Variants in CCDC172 observed in about 807,000 individuals in gnomAD.
CCDC172 encodes the protein coiled-coil domain containing 172, also known as coiled-coil domain-containing protein 172.
Under a neutral mutation model 38.0 loss-of-function variants are expected in CCDC172, and 30 were observed. The observed-to-expected ratio is 0.79, with a 90% confidence interval of 0.59 to 1.07. The LOEUF (loss-of-function observed/expected upper bound fraction) is 1.07. Ranked by LOEUF, CCDC172 falls within the 50% of genes least tolerant of loss-of-function variation. The pLI is 0.00. For missense variants in CCDC172, 297 were observed against 290.1 expected, an observed-to-expected ratio of 1.02 and a Z score of -0.17; for synonymous variants, 78 against 88.3, an observed-to-expected ratio of 0.88 and a Z score of 0.66.
At chr10:116,366,898 CCTGA>C (rs1271163524) in intron 7 of CCDC172, among the ~76,000 whole-genome samples, 1 of 152,162 alleles carries the variant, frequency 6.6e-6, no homozygotes, top group Non-Finnish European at 1.5e-5. Context: ...ATGGCCTTGT[CCTGA>C]CTACGTATAT....
intron 5 of CCDC172, among the ~76,000 whole-genome samples, chr10:116,347,667 A>G (rs189042945): frequency 3.3e-5 from 5 of 152,254 alleles, no homozygotes; most frequent in Admixed American, 6.5e-5. Flanking sequence ...AAAAGTTAGT[A>G]ATAAGGGAGG....
Position 116,342,084 on chromosome 10 carries a change from GA to G in CCDC172, c.334del (p.Ile112LeufsTer10). The G allele has an allele frequency of 6.5e-7, 1 of 1,538,498 alleles. No homozygotes were observed. The highest frequency in any genetic ancestry group is 8.7e-7 in the Non-Finnish European group (1 of 1,148,238). On this transcript the variant is annotated frameshift_variant, in exon 5 of 9. Coordinates refer to ENST00000333254, the MANE Select transcript of CCDC172 (RefSeq NM_198515.3). LOFTEE classifies it high-confidence loss of function. ...MIEEEDKFIK[E>X]ITDFNNDYEI... ...AGAGGAGGAAGACAAATTTATTAAG[GA>G]AATTACAGACTTTAATAATGATTAT... is the stretch of plus-strand genomic sequence containing the variant.
intron 7 of CCDC172, among the ~76,000 whole-genome samples, chr10:116,369,027 T>TAAG (rs1175033794): frequency 6.6e-6 from 1 of 152,066 alleles, no homozygotes; most frequent in Non-Finnish European, 1.5e-5. Context: ...AAATAAAGTA[T>TAAG]AAGATTCCTC....
intron 5 of CCDC172, among the ~76,000 whole-genome samples, chr10:116,348,234 T>C (rs1035115108): frequency 1.1e-4 from 16 of 152,258 alleles, no homozygotes; most frequent in African/African-American, 3.9e-4. Context: ...TAAGCAGATA[T>C]TAGAGCTGTT....
chr10:116,327,139 A>G (rs147073974), intron 3 of CCDC172, among the ~76,000 whole-genome samples: 1,561 of 152,242 alleles, frequency 0.01, 35 homozygotes, highest in African/African-American at 0.033. Flanking sequence ...ATGAGACCCC[A>G]TCATTATCCC....
chr10:116,357,093 ATTTC>A (rs1845006538), intron 5 of CCDC172, among the ~76,000 whole-genome samples: 1 of 151,998 alleles, frequency 6.6e-6, no homozygotes, highest in South Asian at 2.1e-4. Context: ...TTAGTTTTCT[ATTTC>A]TTTTTAGATT....
chr10:116,334,153 G>C (rs1844701069), intron 3 of CCDC172, among the ~76,000 whole-genome samples: 1 of 152,196 alleles, frequency 6.6e-6, no homozygotes, highest in Admixed American at 6.5e-5. Flanking sequence ...AAATGGATCA[G>C]ATTATTACTC....
chr10:116,364,092 A>C (rs190281076), intron 7 of CCDC172, among the ~76,000 whole-genome samples: 19 of 152,316 alleles, frequency 1.2e-4, no homozygotes, highest in Non-Finnish European at 1.8e-4. Flanking sequence ...ATTAGAAAAC[A>C]TTAAATTAGT....
intron 7 of CCDC172, among the ~76,000 whole-genome samples, chr10:116,362,624 G>A (rs1259041742): frequency 6.6e-6 from 1 of 152,180 alleles, no homozygotes; most frequent in Non-Finnish European, 1.5e-5. Flanking sequence ...GAAGCTCAAA[G>A]TAGACAAGAG....
intron 7 of CCDC172, among the ~76,000 whole-genome samples, chr10:116,358,869 A>G (rs1485629520): frequency 3.3e-5 from 5 of 152,050 alleles, no homozygotes; most frequent in Admixed American, 2.6e-4. Context: ...CATTAGAGTT[A>G]GTAGTGTGAG....
chr10:116,347,847 C>T (rs761396686), intron 5 of CCDC172, among the ~76,000 whole-genome samples: 3 of 152,124 alleles, frequency 2.0e-5, no homozygotes, highest in Non-Finnish European at 4.4e-5. Context: ...CCATTCTTCC[C>T]TCCCTCCCAC....
chr10:116,334,887 CT>C (rs1219296450), intron 3 of CCDC172, among the ~76,000 whole-genome samples: 2 of 151,966 alleles, frequency 1.3e-5, no homozygotes, highest in Admixed American at 6.6e-5. Context: ...AAAATGGCAT[CT>C]TTTTAGTTAT....
At chr10:116,326,145 G>T (rs1844590161) in intron 3 of CCDC172, among the ~76,000 whole-genome samples, 1 of 152,204 alleles carries the variant, frequency 6.6e-6, no homozygotes, top group African/African-American at 2.4e-5. Context: ...GGTGGCACAT[G>T]CTTGTAGTTC....
intron 7 of CCDC172, among the ~76,000 whole-genome samples, chr10:116,369,199 C>T (rs1223474037): frequency 1.3e-5 from 2 of 151,866 alleles, no homozygotes; most frequent in Non-Finnish European, 2.9e-5. Flanking sequence ...TTCTTTTCGT[C>T]TAACTTTAGG....
At chr10:116,377,557 T>G (rs962529698) in intron 7 of CCDC172, among the ~76,000 whole-genome samples, 6 of 152,288 alleles carry the variant, frequency 3.9e-5, no homozygotes, top group Non-Finnish European at 8.8e-5. Flanking sequence ...GTTAAAAAAT[T>G]CAAAATATTC....
At chr10:116,355,756 T>C (rs7897001) in intron 5 of CCDC172, among the ~76,000 whole-genome samples, 3 of 152,036 alleles carry the variant, frequency 2.0e-5, no homozygotes, top group Non-Finnish European at 4.4e-5. Flanking sequence ...TTGTGAAATA[T>C]CCAGAATAGG....
chr10:116,325,026 C>G lies in CCDC172; in HGVS notation c.15C>G (p.Ser5=). The change falls in exon 2 of 9, where the codon TCC becomes TCG. Residue 5 remains serine, a synonymous_variant. Coordinates refer to ENST00000333254, the MANE Select transcript of CCDC172 (RefSeq NM_198515.3). ...CAGGCCCTGAGATGAGCTTGGAGTC[C>G]CTGTTTCAGCACATCATCTTCACCG... MSLE[S]LFQHIIFTEH... is the part of the protein sequence containing the mutation. The G allele has an allele frequency of 6.2e-7, 1 of 1,614,028 alleles. No homozygotes were observed. The highest frequency in any genetic ancestry group is 1.3e-5 in the African/African-American group (1 of 75,022).
At chr10:116,341,980 G>T in intron 4 of CCDC172, 56 bp from the exon 5 acceptor site, 1 of 1,155,674 alleles carries the variant, frequency 8.7e-7, no homozygotes, top group Non-Finnish European at 1.2e-6. Flanking sequence ...AAATAATTAA[G>T]GAAAAATATT....
At chr10:116,353,137 G>A (rs1841896447) in intron 5 of CCDC172, among the ~76,000 whole-genome samples, 1 of 151,890 alleles carries the variant, frequency 6.6e-6, no homozygotes, top group African/African-American at 2.4e-5. Context: ...AGCTTGCAGT[G>A]AGCCGAGATC....
Sources: allele counts gnomAD v4.1 joint callset (sites outside exome capture counted in the v4.1 genomes callset), GRCh38; gene constraint gnomAD v4.1.1; transcripts MANE v1.5; gene names NCBI Gene and HGNC (gene_info 2026-07-23, HGNC 2026-07-21).